Variants in PREP observed in about 807,000 individuals in gnomAD.
PREP encodes the protein dJ355L5.1 (prolyl endopeptidase).
A neutral mutation model predicts 87.6 loss-of-function variants in PREP; 29 were observed. That is an observed-to-expected ratio of 0.33 (90% CI 0.25 to 0.45). PREP has a LOEUF of 0.45. Among genes scored for constraint, PREP ranks in the 20% least tolerant of loss-of-function variants. The pLI is 1.00. For synonymous variants in PREP, 337 were observed against 328.6 expected, an observed-to-expected ratio of 1.03 and a Z score of -0.28; for missense variants, 695 against 886.5, an observed-to-expected ratio of 0.78 and a Z score of 2.74.
Position 105,376,215 on chromosome 6 carries a change from C to G in PREP, c.295G>C (p.Val99Leu), listed in dbSNP as rs2114712240. 6.2e-7 allele frequency: 1 copy of G among 1,613,656 alleles called. No homozygotes were observed. The highest frequency in any genetic ancestry group is 1.1e-5 in the South Asian group (1 of 91,016). ...FYNTGLQNQRVLYVQDSLEGE... is the reference protein window; with the variant it reads ...FYNTGLQNQRLLYVQDSLEGE... ...TCTAAGGAATCCTGTACATATAATA[C>G]TCGCTGGTTCTGCAAACCTGTATTG... The change falls in exon 4 of 15, where the codon GTA becomes CTA. Residue 99 changes from valine (V) to leucine (L), a missense_variant. This residue lies in a region of PREP where 517 missense variants were observed against 620.3 expected (regional missense o/e 0.83). Coordinates refer to ENST00000652536, the MANE Select transcript of PREP (RefSeq NM_002726.5).
rs1346629332 is a variant in PREP at position 105,274,357 on chromosome 6, C to T, written c.*3787G>A. 6.6e-6 allele frequency among the ~76,000 whole-genome samples: 1 copy of T among 152,190 alleles called. No homozygotes were observed. The highest frequency in any genetic ancestry group is 1.5e-5 in the Non-Finnish European group (1 of 68,034). On this transcript the variant is annotated 3_prime_UTR_variant, in exon 15 of 15. Transcript: ENST00000652536. ...ACCAGTCCCATTCATGAGGATTCCGCTCTCATGACCCATCGCCTCCTGAAG... is the reference window on the plus strand; with the variant it reads ...ACCAGTCCCATTCATGAGGATTCCGTTCTCATGACCCATCGCCTCCTGAAG...
rs139910958 is a variant in PREP, at chr6:105,330,671, T to G, written c.1016-1645A>C. ...AGACAAGCCTTTCTTGGGTTTCATG[T>G]GGAAGGGGGGGGTTCTTGACACTGC... On this transcript the variant is annotated intron_variant, in intron 8 of 14. Coordinates refer to ENST00000652536, the MANE Select transcript of PREP (RefSeq NM_002726.5). Among the ~76,000 whole-genome samples the G allele has an allele frequency of 6.9e-3, 1,051 of 152,008 alleles. 12 individuals carry two copies. Among genetic ancestry groups the G allele is most frequent in the South Asian group, 0.041 (198 of 4,806 alleles).
chr6:105,387,041 C>T (rs1195339380), intron 2 of PREP, among the ~76,000 whole-genome samples: 1 of 151,994 alleles, frequency 6.6e-6, no homozygotes, highest in Admixed American at 6.5e-5. Context: ...GGTGAAACCC[C>T]GTCTCTACTA....
chr6:105,365,434 C>G (rs1391260896), intron 6 of PREP, among the ~76,000 whole-genome samples: 1 of 152,156 alleles, frequency 6.6e-6, no homozygotes. Flanking sequence ...AAGAAATTCC[C>G]ACCTCAAGAT....
chr6:105,293,273 C>T (rs1371081532), intron 10 of PREP, among the ~76,000 whole-genome samples: 1 of 152,102 alleles, frequency 6.6e-6, no homozygotes, highest in Non-Finnish European at 1.5e-5. Flanking sequence ...TTAGAAGCCA[C>T]TGGAGGGTTG....
intron 10 of PREP, among the ~76,000 whole-genome samples, chr6:105,316,006 G>A (rs534838518): frequency 1.1e-4 from 17 of 152,276 alleles, no homozygotes; most frequent in African/African-American, 4.1e-4. Flanking sequence ...TCAGCAATAA[G>A]GCTGTTTTGC....
At chr6:105,317,925 G>T (rs1464296476) in intron 10 of PREP, among the ~76,000 whole-genome samples, 2 of 152,178 alleles carry the variant, frequency 1.3e-5, no homozygotes, top group Non-Finnish European at 2.9e-5. Flanking sequence ...TGTCTTTGTA[G>T]TATGTGATTT....
At chr6:105,328,066 C>G (rs1771218042) in intron 9 of PREP, among the ~76,000 whole-genome samples, 2 of 152,192 alleles carry the variant, frequency 1.3e-5, no homozygotes, top group African/African-American at 2.4e-5. Context: ...CAAATAACAC[C>G]CATGTTTTCA....
chr6:105,360,129 T>A (rs1266847767), intron 6 of PREP, among the ~76,000 whole-genome samples: 4 of 152,188 alleles, frequency 2.6e-5, no homozygotes, highest in Non-Finnish European at 5.9e-5. Flanking sequence ...CAGGTCTGAA[T>A]CAACTAGAAA....
rs146854869 is a variant in PREP at position 105,344,228 on chromosome 6, C to T, written c.823+8744G>A. ...GAGTTCGGCTGGGCGCGGTGGCTCA[C>T]GCCTGTAATCCCAGCACTTTGGGGA... On this transcript the variant is annotated intron_variant, in intron 7 of 14. Coordinates refer to ENST00000652536, the MANE Select transcript of PREP (RefSeq NM_002726.5). Among the ~76,000 whole-genome samples the T allele has an allele frequency of 2.7e-3, 404 of 152,256 alleles. 1 individual carries two copies. Among genetic ancestry groups the T allele is most frequent in the African/African-American group, 9.0e-3 (374 of 41,560 alleles).
In PREP at chr6:105,368,964, T is replaced by C; in HGVS notation, c.656A>G (p.Gln219Arg). Reference sequence around the variant, plus strand: ...CTCAGCACACAAAATATCTTCTGACTGATCGGTTCCCAAGACATGGTAGTA... The same window carrying C: ...CTCAGCACACAAAATATCTTCTGACCGATCGGTTCCCAAGACATGGTAGTA... Reference protein sequence around the residue: ...KLYYHVLGTDQSEDILCAEFP... With the variant: ...KLYYHVLGTDRSEDILCAEFP... Residue 219 changes from glutamine to arginine, a missense_variant, in exon 6 of 15, where the codon CAG becomes CGG. Physicochemically the swap from Gln to Arg is conservative, Grantham distance 43. Transcript: ENST00000652536. 3 of 1,614,078 alleles carry C rather than the reference T, an allele frequency of 1.9e-6. No individual in the cohort carries two copies. The highest frequency in any genetic ancestry group is 2.5e-6 in the Non-Finnish European group (3 of 1,179,952).
At chr6:105,391,063 T>A (rs1386031417) in intron 2 of PREP, among the ~76,000 whole-genome samples, 1 of 119,530 alleles carries the variant, frequency 8.4e-6, no homozygotes, top group African/African-American at 4.9e-5. Flanking sequence ...ACACACACTT[T>A]TTTTTTTTTT....
intron 10 of PREP, among the ~76,000 whole-genome samples, chr6:105,289,632 T>C (rs1193616550): frequency 6.6e-6 from 1 of 151,972 alleles, no homozygotes; most frequent in African/African-American, 2.4e-5. Flanking sequence ...AAAAAAGCCA[T>C]AAGGAAGGGA....
intron 11 of PREP, 70 bp downstream of exon 11, chr6:105,288,688 A>G (rs571490752): frequency 1.3e-6 from 2 of 1,568,854 alleles, no homozygotes; most frequent in East Asian, 4.5e-5. Context: ...GATTTAGTAG[A>G]GCACTCTGGT....
chr6:105,274,911 CCA>C lies in PREP; in HGVS notation c.*3231_*3232del, dbSNP rs1372241140. 2.0e-5 allele frequency among the ~76,000 whole-genome samples: 3 copies of C among 152,316 alleles called. No homozygotes were observed. The highest frequency in any genetic ancestry group is 7.2e-5 in the African/African-American group (3 of 41,558). ...AGGTTGTGTGAGGACAAACATTCATCCACACAGAGTGCTTGCAGCGGGTGGCA... is the reference window on the plus strand; with the variant it reads ...AGGTTGTGTGAGGACAAACATTCATCCACAGAGTGCTTGCAGCGGGTGGCA... On this transcript the variant is annotated 3_prime_UTR_variant, in exon 15 of 15. Coordinates refer to ENST00000652536, the MANE Select transcript of PREP (RefSeq NM_002726.5).
At position 105,352,992 on chromosome 6, in the gene PREP, T is replaced by G; in HGVS notation, c.803A>C (p.Gln268Pro). 1 of 1,613,802 alleles carries G rather than the reference T, an allele frequency of 6.2e-7. No homozygotes were observed. The highest frequency in any genetic ancestry group is 8.5e-7 in the Non-Finnish European group (1 of 1,179,696). ...VNRLWYCDLQ[Q>P]ESSGIAGILK... is the part of the protein sequence containing the mutation. ...CTCACCCGCGATGCCACTGGATTCCTGCTGTAGGTCACAGTACCAGAGTCG... is the reference window on the plus strand; with the variant it reads ...CTCACCCGCGATGCCACTGGATTCCGGCTGTAGGTCACAGTACCAGAGTCG... Residue 268 changes from glutamine (Q) to proline (P), a missense_variant, in exon 7 of 15, where the codon CAG becomes CCG. By Grantham distance (76) the Gln-to-Pro change is moderately conservative. This residue lies in a region of PREP where 517 missense variants were observed against 620.3 expected (regional missense o/e 0.83). Transcript: ENST00000652536.
chr6:105,367,243 T>C (rs1772409026), intron 6 of PREP, among the ~76,000 whole-genome samples: 1 of 152,334 alleles, frequency 6.6e-6, no homozygotes, highest in African/African-American at 2.4e-5. Flanking sequence ...ATATCTATGG[T>C]ACGCAGAAGC....
chr6:105,373,013 C>T (rs1046945334), intron 5 of PREP, among the ~76,000 whole-genome samples: 14 of 152,176 alleles, frequency 9.2e-5, no homozygotes, highest in Non-Finnish European at 1.8e-4. Context: ...GCCATGTGAG[C>T]AAGCCCAGGC....
intron 10 of PREP, among the ~76,000 whole-genome samples, chr6:105,294,097 A>G (rs945318312): frequency 2.0e-5 from 3 of 151,050 alleles, no homozygotes; most frequent in African/African-American, 7.3e-5. Context: ...TGCTTCCCAC[A>G]CTTGGCCAAG....
Sources: allele counts gnomAD v4.1 joint callset (sites outside exome capture counted in the v4.1 genomes callset), GRCh38; gene constraint gnomAD v4.1.1; regional missense constraint gnomAD v4.1.1; transcripts MANE v1.5; gene names NCBI Gene and HGNC (gene_info 2026-07-23, HGNC 2026-07-21).